CCDC91: variants seen among roughly 807,000 people sequenced by gnomAD.
The protein encoded by CCDC91 is coiled-coil domain-containing protein 91.
CCDC91 carries 48 observed loss-of-function variants against 63.2 expected under a neutral mutation model. The observed-to-expected ratio is 0.76, with a 90% CI of 0.60 to 0.97. The LOEUF (loss-of-function observed/expected upper bound fraction) is 0.97, where lower values mean the gene tolerates loss of function less well. Ranked by LOEUF, CCDC91 falls within the 50% of genes least tolerant of loss-of-function variation. The pLI is 0.00. For synonymous variants in CCDC91, 167 were observed against 165.8 expected, an observed-to-expected ratio of 1.01 and a Z score of -0.06; for missense variants, 500 against 494.6, an observed-to-expected ratio of 1.01 and a Z score of -0.10.
chr12:28,499,455 C>T (rs1952501182), intron 12 of CCDC91, among the ~76,000 whole-genome samples: 1 of 151,712 alleles, frequency 6.6e-6, no homozygotes, highest in Non-Finnish European at 1.5e-5. Flanking sequence ...TTGCTGCACC[C>T]ATCAACCTGT....
intron 1 of CCDC91, among the ~76,000 whole-genome samples, chr12:28,233,518 A>G (rs917885130): frequency 2.6e-5 from 4 of 152,190 alleles, no homozygotes; most frequent in Admixed American, 6.5e-5. Context: ...GAATCTATGT[A>G]AAGTGACAAT....
At chr12:28,344,660 T>C (rs1379197405) in intron 6 of CCDC91, among the ~76,000 whole-genome samples, 1 of 152,214 alleles carries the variant, frequency 6.6e-6, no homozygotes, top group Admixed American at 6.5e-5. Context: ...CAAGGCACTA[T>C]GCTATCTACT....
chr12:28,303,614 A>G (rs1461968165), intron 3 of CCDC91, among the ~76,000 whole-genome samples: 1 of 152,164 alleles, frequency 6.6e-6, no homozygotes, highest in Admixed American at 6.6e-5. Context: ...AGCCACATAT[A>G]TACCTTTAAA....
intron 1 of CCDC91, among the ~76,000 whole-genome samples, chr12:28,231,105 C>A (rs1308441110): frequency 6.6e-6 from 1 of 152,060 alleles, no homozygotes; most frequent in Non-Finnish European, 1.5e-5. Context: ...TGGTGAATTT[C>A]TTTTCTTTAC....
At chr12:28,393,675 T>C (rs1476816170) in intron 8 of CCDC91, among the ~76,000 whole-genome samples, 1 of 152,088 alleles carries the variant, frequency 6.6e-6, no homozygotes, top group Non-Finnish European at 1.5e-5. Flanking sequence ...CAAATGTAGT[T>C]GGTATTTGTT....
At chr12:28,304,181 A>G (rs1592254120) in intron 3 of CCDC91, among the ~76,000 whole-genome samples, 1 of 151,660 alleles carries the variant, frequency 6.6e-6, no homozygotes, top group East Asian at 1.9e-4. Flanking sequence ...GATCGAGACT[A>G]TCCTGGCCAA....
At chr12:28,295,969 T>C (rs1949539445) in intron 3 of CCDC91, among the ~76,000 whole-genome samples, 1 of 151,980 alleles carries the variant, frequency 6.6e-6, no homozygotes, top group South Asian at 2.1e-4. Flanking sequence ...AAAGATACTA[T>C]GATTTTGGAA....
At chr12:28,335,418 TAC>T (rs1185089636) in intron 6 of CCDC91, among the ~76,000 whole-genome samples, 6 of 141,464 alleles carry the variant, frequency 4.2e-5, no homozygotes, top group East Asian at 2.0e-4. Context: ...TATATAAAAA[TAC>T]ATATATATAT....
At position 28,452,610 on chromosome 12, in the gene CCDC91, C is replaced by T. The variant is rs774501403; in HGVS notation, c.1057C>T (p.Gln353Ter). ...EHAKDQEKVS[Q>*]EIQKAIQEQR... The stretch of plus-strand genomic sequence containing the variant: ...TGCAAAAGATCAAGAAAAAGTATCT[C>T]AGGAAATTCAAAAAGCTATACAAGA... Residue 353 changes from glutamine to a stop codon, truncating the protein, a stop_gained, in exon 11 of 13, where the codon CAG becomes TAG. Transcript: ENST00000536442. LOFTEE classifies it high-confidence loss of function. The T allele has an allele frequency of 1.3e-6, 2 of 1,572,988 alleles. No homozygotes were observed. The highest frequency in any genetic ancestry group is 1.7e-6 in the Non-Finnish European group (2 of 1,160,176).
intron 6 of CCDC91, among the ~76,000 whole-genome samples, chr12:28,337,452 C>T (rs1479296977): frequency 6.6e-6 from 1 of 151,678 alleles, no homozygotes; most frequent in African/African-American, 2.4e-5. Context: ...TTATCTAGAT[C>T]ATTGTTTTCT....
chr12:28,202,458 T>G (rs964236003), intron 1 of CCDC91, among the ~76,000 whole-genome samples: 1 of 151,566 alleles, frequency 6.6e-6, no homozygotes, highest in Non-Finnish European at 1.5e-5. Context: ...ATAGTGACTT[T>G]CCTGAACTCT....
At chr12:28,200,042 T>C (rs1269219225) in intron 1 of CCDC91, among the ~76,000 whole-genome samples, 1 of 152,118 alleles carries the variant, frequency 6.6e-6, no homozygotes, top group Non-Finnish European at 1.5e-5. Context: ...TCCTTCCTTT[T>C]TCTCCTCTTT....
At chr12:28,451,696 AT>A (rs1949810103) in intron 10 of CCDC91, among the ~76,000 whole-genome samples, 1 of 151,694 alleles carries the variant, frequency 6.6e-6, no homozygotes, top group African/African-American at 2.4e-5. Context: ...ATTCATTCAG[AT>A]TGCAAGAAAG....
At chr12:28,528,495 G>T (rs1034388458) in intron 12 of CCDC91, among the ~76,000 whole-genome samples, 1 of 152,168 alleles carries the variant, frequency 6.6e-6, no homozygotes, top group Admixed American at 6.6e-5. Context: ...CCCAGGTCCT[G>T]CAGGAGCAAT....
chr12:28,477,115 A>G (rs1951142255), intron 11 of CCDC91, among the ~76,000 whole-genome samples: 1 of 152,186 alleles, frequency 6.6e-6, no homozygotes, highest in Non-Finnish European at 1.5e-5. Context: ...TGCCTAACTC[A>G]TTTTATGAGG....
chr12:28,356,269 A>G (rs1203824553), intron 6 of CCDC91, among the ~76,000 whole-genome samples: 1 of 152,204 alleles, frequency 6.6e-6, no homozygotes, highest in Non-Finnish European at 1.5e-5. Context: ...AGGAAAAACA[A>G]CCAGGCTTAT....
intron 8 of CCDC91, among the ~76,000 whole-genome samples, chr12:28,409,714 C>A (rs1169172865): frequency 6.6e-6 from 1 of 151,958 alleles, no homozygotes; most frequent in Non-Finnish European, 1.5e-5. Context: ...ACTTTAGGTG[C>A]ATTTTTCACA....
chr12:28,345,875 T>C (rs2138111181), intron 6 of CCDC91, among the ~76,000 whole-genome samples: 1 of 152,280 alleles, frequency 6.6e-6, no homozygotes, highest in East Asian at 1.9e-4. Flanking sequence ...CAGTATTCAG[T>C]CTTTACAGTA....
chr12:28,448,824 G>T (rs932885431), intron 8 of CCDC91, among the ~76,000 whole-genome samples: 1 of 151,748 alleles, frequency 6.6e-6, no homozygotes, highest in Non-Finnish European at 1.5e-5. Flanking sequence ...TATTTGCCTG[G>T]TATAATATCT....
Sources: allele counts gnomAD v4.1 joint callset (sites outside exome capture counted in the v4.1 genomes callset), GRCh38; gene constraint gnomAD v4.1.1; transcripts MANE v1.5; gene names NCBI Gene and HGNC (gene_info 2026-07-23, HGNC 2026-07-21).